CYP19A1: variants seen among roughly 807,000 people sequenced by gnomAD.
CYP19A1 encodes the protein cytochrome P450 family 19 subfamily A member 1.
CYP19A1 carries 32 observed loss-of-function variants against 44.4 expected under a neutral mutation model. That is an observed-to-expected ratio of 0.72 (90% CI 0.54 to 0.97). The LOEUF (loss-of-function observed/expected upper bound fraction) is 0.97. CYP19A1 is among the 50% of genes least tolerant of loss of function. CYP19A1 has a pLI of 0.00. For synonymous variants in CYP19A1, 212 were observed against 215.6 expected, an observed-to-expected ratio of 0.98 and a Z score of 0.14; for missense variants, 598 against 637.8, an observed-to-expected ratio of 0.94 and a Z score of 0.67.
At chr15:51,332,669 G>A (rs1171661620) in intron 1 of CYP19A1, among the ~76,000 whole-genome samples, 1 of 152,154 alleles carries the variant, frequency 6.6e-6, no homozygotes, top group Non-Finnish European at 1.5e-5. Context: ...TGGGTGACAG[G>A]TCTTTTCCTT....
At chr15:51,275,030 ATTTGGCTTCCGCTCCGCTTGTGG>A (rs1378350731) in intron 1 of CYP19A1, among the ~76,000 whole-genome samples, 1 of 151,932 alleles carries the variant, frequency 6.6e-6, no homozygotes, top group Non-Finnish European at 1.5e-5. Flanking sequence ...CCCATTCTGG[ATTTGGCTTCCGCTCCGCTTGTGG>A]TTTGGCTTCC....
intron 1 of CYP19A1, among the ~76,000 whole-genome samples, chr15:51,256,423 G>GA (rs1165514624): frequency 2.6e-5 from 4 of 152,192 alleles, no homozygotes; most frequent in Non-Finnish European, 5.9e-5. Context: ...GAGAATTGGG[G>GA]AATTGGTGGA....
intron 3 of CYP19A1, among the ~76,000 whole-genome samples, chr15:51,233,384 C>T (rs552045077): frequency 6.6e-6 from 1 of 152,164 alleles, no homozygotes; most frequent in Non-Finnish European, 1.5e-5. Context: ...TATTGTTGAC[C>T]TAGTGACGAC....
rs35145913 is a variant in CYP19A1 at position 51,215,909 on chromosome 15, T to C, written c.744-92A>G. On this transcript the variant is annotated intron_variant, in intron 6 of 9. Coordinates refer to ENST00000396402, the MANE Select transcript of CYP19A1 (RefSeq NM_000103.4). ...TGCCATGTATTTAGGTAAAATGATC[T>C]GCTTTAATTGAAAACATTGGTGCTT... 5.6e-5 allele frequency: 89 copies of C among 1,587,634 alleles called. 1 individual carries two copies. The South Asian group carries it at 9.8e-4, about 17-fold the overall frequency.
At chr15:51,237,444 C>A (rs35184730) in intron 2 of CYP19A1, among the ~76,000 whole-genome samples, 3 of 152,142 alleles carry the variant, frequency 2.0e-5, no homozygotes, top group Admixed American at 1.3e-4. Flanking sequence ...GGTTTGAGTG[C>A]CCCGGTTGAC....
chr15:51,336,587 A>G (rs1193845834), intron 1 of CYP19A1, among the ~76,000 whole-genome samples: 1 of 152,182 alleles, frequency 6.6e-6, no homozygotes, highest in African/African-American at 2.4e-5. Context: ...AGACAAGAAT[A>G]CCCAAGTGCC....
At chr15:51,245,415 T>G (rs55736385) in intron 1 of CYP19A1, among the ~76,000 whole-genome samples, 12,881 of 152,304 alleles carry the variant, frequency 0.085, 689 homozygotes, top group Admixed American at 0.18. Context: ...TACGTATACA[T>G]GTGCCATGCT....
chr15:51,269,073 A>C (rs1450400272), intron 1 of CYP19A1, among the ~76,000 whole-genome samples: 1 of 151,880 alleles, frequency 6.6e-6, no homozygotes, highest in African/African-American at 2.4e-5. Context: ...TATGGCTCCT[A>C]CTTTTTTTGT....
intron 1 of CYP19A1, among the ~76,000 whole-genome samples, chr15:51,297,933 G>C (rs2036034399): frequency 6.6e-6 from 1 of 151,704 alleles, no homozygotes; most frequent in Non-Finnish European, 1.5e-5. Flanking sequence ...ATTATAAAGA[G>C]GGGCATTAGG....
At chr15:51,216,623 C>T (rs569590329) in intron 6 of CYP19A1, among the ~76,000 whole-genome samples, 1 of 152,210 alleles carries the variant, frequency 6.6e-6, no homozygotes, top group Non-Finnish European at 1.5e-5. Flanking sequence ...AAACAGTAAA[C>T]TCCAGTGACT....
rs1356666512 is a variant in CYP19A1, at chr15:51,223,593, T to TCTCACACACACACACA, written c.452-1069_452-1068insTGTGTGTGTGTGTGAG. Among the ~76,000 whole-genome samples, 659 of 90,164 alleles carry TCTCACACACACACACA rather than the reference T, an allele frequency of 7.3e-3. 8 individuals carry two copies. The highest frequency in any genetic ancestry group is 0.026 in the East Asian group (55 of 2,118). The allele number at this position is 90,164 out of a possible 152,430, so 59.2% of individuals were successfully genotyped here. ...CTTGCTCTCTCTCTCTCTCTCTCTC[T>TCTCACACACACACACA]CACACACACACACACACACACACAC... On this transcript the variant is annotated intron_variant, in intron 4 of 9. Coordinates refer to ENST00000396402, the MANE Select transcript of CYP19A1 (RefSeq NM_000103.4).
intron 1 of CYP19A1, among the ~76,000 whole-genome samples, chr15:51,335,488 A>T (rs1033255816): frequency 2.0e-5 from 3 of 152,052 alleles, no homozygotes; most frequent in African/African-American, 4.8e-5. Context: ...TTATACAAAA[A>T]CCCCTACTAG....
chr15:51,212,315 C>G lies in CYP19A1; in HGVS notation c.1263+5G>C. ...GCACACTCAGTTTTAAGGAAGGGCTCTTACATTCTTTGCAAAATTTTCAAG... is the reference window on the plus strand; with the variant it reads ...GCACACTCAGTTTTAAGGAAGGGCTGTTACATTCTTTGCAAAATTTTCAAG... On this transcript the variant is annotated splice_donor_5th_base_variant and intron_variant, in intron 9 of 9. Coordinates refer to ENST00000396402, the MANE Select transcript of CYP19A1 (RefSeq NM_000103.4). 6.3e-7 allele frequency: 1 copy of G among 1,590,398 alleles called. No homozygotes were observed. Among genetic ancestry groups the G allele is most frequent in the Non-Finnish European group, 8.6e-7 (1 of 1,158,428 alleles).
At chr15:51,330,504 C>T (rs189454882) in intron 1 of CYP19A1, among the ~76,000 whole-genome samples, 230 of 152,288 alleles carry the variant, frequency 1.5e-3, no homozygotes, top group East Asian at 0.011. Flanking sequence ...CTTCTTCTGT[C>T]GTACATGGAG....
chr15:51,332,881 C>T (rs1961177), intron 1 of CYP19A1, among the ~76,000 whole-genome samples: 32,068 of 152,088 alleles, frequency 0.21, 4,770 homozygotes, highest in African/African-American at 0.42. Flanking sequence ...TTCTGGAAGA[C>T]TGTAAGATTT....
intron 1 of CYP19A1, among the ~76,000 whole-genome samples, chr15:51,257,248 C>T (rs1310063871): frequency 6.6e-6 from 1 of 152,220 alleles, no homozygotes; most frequent in African/African-American, 2.4e-5. Context: ...ATCCACTTTA[C>T]AGATGTGGCT....
chr15:51,300,730 C>T (rs574137927), intron 1 of CYP19A1, among the ~76,000 whole-genome samples: 8 of 152,302 alleles, frequency 5.3e-5, no homozygotes, highest in Non-Finnish European at 8.8e-5. Context: ...AACACGCTTG[C>T]CCCCAAATTA....
chr15:51,213,188 C>G (rs1195487193), intron 8 of CYP19A1, among the ~76,000 whole-genome samples: 2 of 152,170 alleles, frequency 1.3e-5, no homozygotes, highest in African/African-American at 4.8e-5. Context: ...CTCTGCATCT[C>G]ATCAAGAAAG....
chr15:51,332,142 T>G (rs1841128), intron 1 of CYP19A1, among the ~76,000 whole-genome samples: 85,802 of 151,988 alleles, frequency 0.56, 26,908 homozygotes, highest in African/African-American at 0.84. Flanking sequence ...TTATCAAGTT[T>G]CTGTTCAATT....
Sources: gnomAD v4.1 joint callset for allele counts (sites outside exome capture counted in the v4.1 genomes callset) on GRCh38, gnomAD v4.1.1 for gene constraint, MANE v1.5 for transcripts, NCBI Gene and HGNC (gene_info 2026-07-23, HGNC 2026-07-21) for gene names.